NALF1: variants seen among roughly 807,000 people sequenced by gnomAD.
NALF1 encodes the protein family with sequence similarity 155 member A.
In NALF1, 3 loss-of-function variants were observed where a neutral mutation model predicts 48.4. The ratio of observed to expected loss-of-function variants is 0.06; its 90% confidence interval spans 0.03 to 0.16. The LOEUF (loss-of-function observed/expected upper bound fraction) is 0.16, where lower values mean the gene tolerates loss of function less well. Ranked by LOEUF, NALF1 falls within the 10% of genes least tolerant of loss-of-function variation. The pLI, the probability that NALF1 is intolerant of heterozygous loss-of-function variation, is 1.00. For synonymous variants in NALF1, 262 were observed against 245.7 expected (o/e 1.07, Z -0.62); for missense variants, 526 against 571.5 (o/e 0.92, Z 0.81).
At chr13:107,751,929 T>TA in intron 1 of NALF1, among the ~76,000 whole-genome samples, 1 of 152,220 alleles carries the variant, frequency 6.6e-6, no homozygotes, top group South Asian at 2.1e-4. Context: ...TACCTCTGCT[T>TA]ATATTAATAA....
chr13:107,577,153 A>G (rs1878178721), intron 1 of NALF1, among the ~76,000 whole-genome samples: 1 of 152,196 alleles, frequency 6.6e-6, no homozygotes, highest in Non-Finnish European at 1.5e-5. Flanking sequence ...TCTACCATTG[A>G]CATCGTCCAG....
chr13:107,660,167 T>C (rs916254334), intron 1 of NALF1, among the ~76,000 whole-genome samples: 1 of 151,754 alleles, frequency 6.6e-6, no homozygotes, highest in Non-Finnish European at 1.5e-5. Flanking sequence ...AGGTTGGGTG[T>C]GGTGGCTCAC....
chr13:107,489,180 G>A (rs528798203), intron 1 of NALF1, among the ~76,000 whole-genome samples: 2 of 151,974 alleles, frequency 1.3e-5, no homozygotes, highest in African/African-American at 2.4e-5. Flanking sequence ...TAGAAGAATC[G>A]ATATCATTAA....
At chr13:107,537,837 G>T (rs547048893) in intron 1 of NALF1, among the ~76,000 whole-genome samples, 1 of 152,106 alleles carries the variant, frequency 6.6e-6, no homozygotes, top group South Asian at 2.1e-4. Flanking sequence ...GGCCAACATG[G>T]TGAAATCTTG....
At chr13:107,434,837 C>A (rs1303859496) in intron 1 of NALF1, among the ~76,000 whole-genome samples, 1 of 152,160 alleles carries the variant, frequency 6.6e-6, no homozygotes, top group Non-Finnish European at 1.5e-5. Context: ...AAAATGTAAA[C>A]CATGCCCAGT....
At chr13:107,763,470 TCA>T (rs1877324525) in intron 1 of NALF1, among the ~76,000 whole-genome samples, 1 of 104,696 alleles carries the variant, frequency 9.6e-6, no homozygotes, top group African/African-American at 3.8e-5. Context: ...ATATTAAAAT[TCA>T]AAAAAAAAAA....
intron 1 of NALF1, among the ~76,000 whole-genome samples, chr13:107,808,576 G>C (rs1878881808): frequency 6.6e-6 from 1 of 151,462 alleles, no homozygotes; most frequent in Admixed American, 6.6e-5. Flanking sequence ...CTCGAGAAAA[G>C]AAAGTGTAGC....
intron 2 of NALF1, among the ~76,000 whole-genome samples, chr13:107,192,650 C>G (rs1051881926): frequency 5.2e-5 from 7 of 134,314 alleles, no homozygotes; most frequent in Non-Finnish European, 1.1e-4. Flanking sequence ...TTAACCATAT[C>G]TATTACTGAA....
In NALF1 at chr13:107,531,982, C is replaced by T. The variant is rs548745126; in HGVS notation, c.916-321227G>A. 1.4e-4 allele frequency among the ~76,000 whole-genome samples: 21 copies of T among 152,158 alleles called. 1 individual carries two copies. Among genetic ancestry groups the T allele is most frequent in the African/African-American group, 4.1e-4 (17 of 41,516 alleles). On this transcript the variant is annotated intron_variant, in intron 1 of 2. Coordinates refer to ENST00000375915, the MANE Select transcript of NALF1 (RefSeq NM_001080396.3). ...GGCTTTTTCACAATCAAGTTCATAA[C>T]GCAGCTGAATTTGCATACTTACCTA...
At chr13:107,180,866 T>C (rs751651196) in intron 2 of NALF1, among the ~76,000 whole-genome samples, 9 of 151,824 alleles carry the variant, frequency 5.9e-5, no homozygotes. Flanking sequence ...TTATAAAGCA[T>C]TGTGGATAAT....
intron 1 of NALF1, among the ~76,000 whole-genome samples, chr13:107,257,951 T>C (rs1017689939): frequency 5.3e-5 from 8 of 152,180 alleles, no homozygotes; most frequent in Admixed American, 2.6e-4. Context: ...CTCCTTTACA[T>C]AGTGAAATAG....
intron 1 of NALF1, among the ~76,000 whole-genome samples, chr13:107,521,940 C>T (rs760056241): frequency 3.4e-5 from 5 of 148,800 alleles, no homozygotes; most frequent in South Asian, 2.2e-4. Flanking sequence ...CACACACACA[C>T]ATACACACAC....
Position 107,596,755 on chromosome 13 carries a change from T to C in NALF1, c.915+268927A>G, listed in dbSNP as rs570655496. Among the ~76,000 whole-genome samples, 3 of 152,272 alleles carry C rather than the reference T, an allele frequency of 2.0e-5. No homozygotes were observed. The East Asian group carries it at 5.8e-4, about 29-fold the overall frequency. ...GGGTTGATGGGTGCAGCACACCATA[T>C]GGAACATGTATACATATATAACAAA... On this transcript the variant is annotated intron_variant, in intron 1 of 2. Coordinates refer to ENST00000375915, the MANE Select transcript of NALF1 (RefSeq NM_001080396.3).
chr13:107,447,950 G>A (rs1238045484), intron 1 of NALF1, among the ~76,000 whole-genome samples: 1 of 152,182 alleles, frequency 6.6e-6, no homozygotes. Flanking sequence ...ACATTTAAAA[G>A]TCTTCTGATC....
chr13:107,769,738 CG>C (rs1566474953), intron 1 of NALF1, among the ~76,000 whole-genome samples: 1 of 151,122 alleles, frequency 6.6e-6, no homozygotes, highest in Non-Finnish European at 1.5e-5. Context: ...CCTAAAAAAA[CG>C]GTTCCATTAA....
chr13:107,400,651 C>A (rs1287796342), intron 1 of NALF1, among the ~76,000 whole-genome samples: 2 of 151,968 alleles, frequency 1.3e-5, no homozygotes, highest in Admixed American at 1.3e-4. Flanking sequence ...TTGCAGTGAG[C>A]CAAGATCGTG....
rs191347428 is a variant in NALF1, at chr13:107,472,472, T to C, written c.916-261717A>G. Among the ~76,000 whole-genome samples the C allele has an allele frequency of 4.4e-3, 673 of 152,270 alleles. 7 individuals are homozygous for C. The highest frequency in any genetic ancestry group is 0.016 in the African/African-American group (651 of 41,566). The stretch of plus-strand genomic sequence containing the variant: ...TGTGTTGCCAAAGGAGATTAACGTT[T>C]GTGTCAGTAGACTGGGAGAGGCAGA... On this transcript the variant is annotated intron_variant, in intron 1 of 2. Coordinates refer to ENST00000375915, the MANE Select transcript of NALF1 (RefSeq NM_001080396.3).
chr13:107,574,350 C>T (rs1878076751), intron 1 of NALF1, among the ~76,000 whole-genome samples: 1 of 152,070 alleles, frequency 6.6e-6, no homozygotes, highest in East Asian at 1.9e-4. Context: ...GACAATGATG[C>T]CTTTATGATT....
chr13:107,371,621 A>G (rs180868484), intron 1 of NALF1, among the ~76,000 whole-genome samples: 465 of 152,304 alleles, frequency 3.1e-3, no homozygotes, highest in African/African-American at 0.011. Flanking sequence ...GACTCTTTCA[A>G]CAAAGATGTC....
Sources: allele counts gnomAD v4.1 joint callset (sites outside exome capture counted in the v4.1 genomes callset), GRCh38; gene constraint gnomAD v4.1.1; transcripts MANE v1.5; gene names NCBI Gene and HGNC (gene_info 2026-07-23, HGNC 2026-07-21).